ROR1: variants seen among roughly 807,000 people sequenced by gnomAD.
ROR1 encodes the protein inactive tyrosine-protein kinase transmembrane receptor ROR1.
Under a neutral mutation model 78.8 loss-of-function variants are expected in ROR1, and 19 were observed. The ratio of observed to expected loss-of-function variants is 0.24; its 90% CI spans 0.17 to 0.35. The LOEUF is 0.35. ROR1 is among the 10% of genes least tolerant of loss of function. The pLI, the probability that ROR1 is intolerant of heterozygous loss-of-function variation, is 1.00. For missense variants in ROR1, 917 were observed against 1,177.8 expected, an observed-to-expected ratio of 0.78 and a Z score of 3.24; for synonymous variants, 386 against 433.6, an observed-to-expected ratio of 0.89 and a Z score of 1.36.
chr1:63,965,272 T>C (rs544565588), intron 1 of ROR1, among the ~76,000 whole-genome samples: 3 of 152,130 alleles, frequency 2.0e-5, no homozygotes, highest in African/African-American at 4.8e-5. Flanking sequence ...CCTTCTTTGG[T>C]TACTTTAGAT....
chr1:63,787,727 T>C (rs1254857965), intron 1 of ROR1, among the ~76,000 whole-genome samples: 1 of 152,144 alleles, frequency 6.6e-6, no homozygotes, highest in Non-Finnish European at 1.5e-5. Context: ...GGTTTTGCCA[T>C]GTTGGCCAGG....
chr1:63,782,437 G>A (rs1644657083), intron 1 of ROR1, among the ~76,000 whole-genome samples: 1 of 152,128 alleles, frequency 6.6e-6, no homozygotes, highest in Non-Finnish European at 1.5e-5. Flanking sequence ...TCACAACGTG[G>A]AAAGAGCCTG....
chr1:63,821,873 C>G (rs190199119), intron 1 of ROR1, among the ~76,000 whole-genome samples: 2 of 152,308 alleles, frequency 1.3e-5, no homozygotes, highest in Non-Finnish European at 2.9e-5. Flanking sequence ...TCCCCCTTCT[C>G]CTCAAGTGGC....
At chr1:64,018,284 C>G (rs1348420419) in intron 2 of ROR1, among the ~76,000 whole-genome samples, 1 of 152,156 alleles carries the variant, frequency 6.6e-6, no homozygotes, top group African/African-American at 2.4e-5. Flanking sequence ...GGGCTCCTCC[C>G]TCAGTTTCCT....
chr1:63,874,333 G>T (rs1489494283), intron 1 of ROR1, among the ~76,000 whole-genome samples: 1 of 151,868 alleles, frequency 6.6e-6, no homozygotes, highest in Non-Finnish European at 1.5e-5. Context: ...TTTTTTGAAG[G>T]TTGCTTCTTT....
intron 1 of ROR1, among the ~76,000 whole-genome samples, chr1:63,989,776 A>G (rs559623142): frequency 1.3e-5 from 2 of 152,292 alleles, no homozygotes; most frequent in South Asian, 4.1e-4. Context: ...AGAATAGGAT[A>G]ATTGGAAATC....
At chr1:63,972,412 T>A (rs74600522) in intron 1 of ROR1, among the ~76,000 whole-genome samples, 3,819 of 152,306 alleles carry the variant, frequency 0.025, 162 homozygotes, top group African/African-American at 0.087. Flanking sequence ...CCTTGAAGTC[T>A]TATGTCATGT....
chr1:63,912,680 T>A (rs1645580599), intron 1 of ROR1, among the ~76,000 whole-genome samples: 1 of 152,196 alleles, frequency 6.6e-6, no homozygotes, highest in Admixed American at 6.5e-5. Context: ...ACTGTTGGGC[T>A]AAGAGGCTGG....
In ROR1 at chr1:64,006,494, A is replaced by C. The variant is rs574377309; in HGVS notation, c.92-2811A>C. 2.8e-4 allele frequency among the ~76,000 whole-genome samples: 42 copies of C among 152,324 alleles called. 2 individuals carry two copies. Among genetic ancestry groups the C allele is most frequent in the African/African-American group, 9.9e-4 (41 of 41,578 alleles). On this transcript the variant is annotated intron_variant, in intron 1 of 8. Transcript: ENST00000371079. ...GGAGGGCCCTGAAATGTAGACAATT[A>C]GCTCTTCTGGGGAAAGCACCTGCAC...
chr1:64,142,446 A>G lies in ROR1; in HGVS notation c.970A>G (p.Thr324Ala). 6.2e-7 allele frequency: 1 copy of G among 1,614,096 alleles called. No homozygotes were observed. Among genetic ancestry groups the G allele is most frequent in the Non-Finnish European group, 8.5e-7 (1 of 1,180,012 alleles). ...YNSTGVDYRGTVSVTKSGRQC... is the reference protein window; with the variant it reads ...YNSTGVDYRGAVSVTKSGRQC... ...CAGCACAGGTGTGGACTACCGGGGG[A>G]CCGTCAGTGTGACCAAATCAGGGCG... is the stretch of plus-strand genomic sequence containing the variant. The change falls in exon 7 of 9, where the codon ACC (threonine) becomes GCC (alanine). Residue 324 changes from threonine (T) to alanine (A), a missense_variant. Physicochemically the swap from Thr to Ala is moderately conservative, Grantham distance 58. This residue lies in a region of ROR1 where 835 missense variants were observed against 1,069.8 expected (regional missense o/e 0.78). Coordinates refer to ENST00000371079, the MANE Select transcript of ROR1 (RefSeq NM_005012.4).
At chr1:64,012,736 GTA>G (rs1646486603) in intron 2 of ROR1, among the ~76,000 whole-genome samples, 1 of 152,070 alleles carries the variant, frequency 6.6e-6, no homozygotes, top group South Asian at 2.1e-4. Context: ...ATTTGAGAGA[GTA>G]TATATGTTTA....
chr1:63,949,671 G>T (rs777675265), intron 1 of ROR1, among the ~76,000 whole-genome samples: 2 of 151,950 alleles, frequency 1.3e-5, no homozygotes, highest in African/African-American at 2.4e-5. Context: ...AGGTGCAAAG[G>T]GCTTAGTAAT....
chr1:63,863,773 ATTGTATTGTATTGTATTG>A (rs1645197461), intron 1 of ROR1, among the ~76,000 whole-genome samples: 1 of 150,520 alleles, frequency 6.6e-6, no homozygotes, highest in Non-Finnish European at 1.5e-5. Flanking sequence ...ATTGTATTGT[ATTGTATTGTATTGTATTG>A]TATTGTATTG....
chr1:64,145,715 A>G (rs1649455066), intron 7 of ROR1, among the ~76,000 whole-genome samples: 1 of 152,226 alleles, frequency 6.6e-6, no homozygotes, highest in South Asian at 2.1e-4. Flanking sequence ...TAGTTGCCCC[A>G]TTCCTTCTCC....
At chr1:64,130,832 T>C (rs1370923815) in intron 4 of ROR1, among the ~76,000 whole-genome samples, 1 of 152,236 alleles carries the variant, frequency 6.6e-6, no homozygotes, top group Non-Finnish European at 1.5e-5. Context: ...AAGCCAGGGC[T>C]AATTTTACCT....
intron 1 of ROR1, among the ~76,000 whole-genome samples, chr1:63,804,884 G>A (rs1644818849): frequency 6.6e-6 from 1 of 152,178 alleles, no homozygotes; most frequent in Non-Finnish European, 1.5e-5. Context: ...TGTCCCCTGA[G>A]GTGCCATTGG....
In ROR1 at chr1:63,945,860, T is replaced by C. The variant is rs564640750; in HGVS notation, c.92-63445T>C. ...CAAAAATACAAGAAGGTGCAGTTCATAGGTTGCTCTAGCTGCAACATGGTG... is the reference window on the plus strand; with the variant it reads ...CAAAAATACAAGAAGGTGCAGTTCACAGGTTGCTCTAGCTGCAACATGGTG... On this transcript the variant is annotated intron_variant, in intron 1 of 8. Transcript: ENST00000371079. 2.0e-4 allele frequency among the ~76,000 whole-genome samples: 31 copies of C among 152,360 alleles called. No individual in the cohort carries two copies. In the South Asian group the frequency reaches 6.2e-3, roughly 31 times the overall value.
At chr1:63,999,407 A>G (rs887481439) in intron 1 of ROR1, among the ~76,000 whole-genome samples, 3 of 152,230 alleles carry the variant, frequency 2.0e-5, no homozygotes, top group African/African-American at 7.2e-5. Context: ...TTCCATGTCT[A>G]TCTAAATATC....
At chr1:64,017,646 A>T (rs1283220339) in intron 2 of ROR1, among the ~76,000 whole-genome samples, 1 of 151,950 alleles carries the variant, frequency 6.6e-6, no homozygotes, top group Non-Finnish European at 1.5e-5. Context: ...AAGCCCTCCC[A>T]TCATTCCTCA....
Sources: allele counts gnomAD v4.1 joint callset (sites outside exome capture counted in the v4.1 genomes callset), GRCh38; gene constraint gnomAD v4.1.1; regional missense constraint gnomAD v4.1.1; transcripts MANE v1.5; gene names NCBI Gene and HGNC (gene_info 2026-07-23, HGNC 2026-07-21).